Variants in ESPL1 observed in about 807,000 individuals in gnomAD.
ESPL1 encodes the protein separin.
A neutral mutation model predicts 217.2 loss-of-function variants in ESPL1; 50 were observed. The observed-to-expected ratio is 0.23, with a 90% CI of 0.18 to 0.29. The LOEUF (loss-of-function observed/expected upper bound fraction) is 0.29, where lower values mean the gene tolerates loss of function less well. Among genes scored for constraint, ESPL1 ranks in the 10% least tolerant of loss-of-function variants. The probability of loss-of-function intolerance (pLI) is 1.00; values close to 1 mark genes in which losing one functional copy is unlikely to be tolerated. For synonymous variants in ESPL1, 994 were observed against 1,081.3 expected, an observed-to-expected ratio of 0.92 and a Z score of 1.58; for missense variants, 1,834 against 2,603.0, an observed-to-expected ratio of 0.70 and a Z score of 6.43.
rs1343333998 is a variant in ESPL1 at position 53,270,286 on chromosome 12, C to T, written c.1144-92C>T. 3 of 1,036,240 alleles carry T rather than the reference C, an allele frequency of 2.9e-6. No individual in the cohort carries two copies. The South Asian group carries it at 3.8e-5, about 13-fold the overall frequency. 64.2% of individuals were successfully genotyped at this position (1,036,240 alleles called of 1,614,324 possible). ...GATGTCCTTCCTCGTGCTCCCTGGG[C>T]TCTGTCAGCTCTCCAGGACTCCGGG... On this transcript the variant is annotated intron_variant, in intron 3 of 30. Coordinates refer to ENST00000257934, the MANE Select transcript of ESPL1 (RefSeq NM_012291.5).
At chr12:53,279,689 C>A in intron 11 of ESPL1, 43 bp from the exon 12 acceptor site, 1 of 1,612,902 alleles carries the variant, frequency 6.2e-7, no homozygotes, top group Non-Finnish European at 8.5e-7. Context: ...GAAATAGAGG[C>A]TTGAGCAGGG....
chr12:53,279,981 C>T, intron 12 of ESPL1, 115 bp downstream of exon 12: 5 of 1,213,020 alleles, frequency 4.1e-6, no homozygotes, highest in Non-Finnish European at 5.6e-6. Flanking sequence ...ACCACCACAA[C>T]TGGCTGGAGA....
intron 25 of ESPL1, 31 bp downstream of exon 25, chr12:53,291,027 G>A: frequency 6.5e-7 from 1 of 1,545,108 alleles, no homozygotes; most frequent in Non-Finnish European, 8.8e-7. Context: ...AGGGGGCCAG[G>A]CCCAGTGGCT....
chr12:53,282,228 G>A lies in ESPL1; in HGVS notation c.2620-36G>A. 2 of 1,603,676 alleles carry A rather than the reference G, an allele frequency of 1.2e-6. No individual in the cohort carries two copies. Among genetic ancestry groups the A allele is most frequent in the Non-Finnish European group, 8.5e-7 (1 of 1,171,232 alleles). On this transcript the variant is annotated intron_variant, in intron 13 of 30. Coordinates refer to ENST00000257934, the MANE Select transcript of ESPL1 (RefSeq NM_012291.5). This position sits in a 1 kb window ranked among gnomAD's most constrained non-coding sequence, Gnocchi z 4.0. ...CTCTCAAGCTCTGGAGTGCCTGACT[G>A]CCTTACTGCCTCCTCTGGCTCCTTC... is the stretch of plus-strand genomic sequence containing the variant.
Position 53,275,018 on chromosome 12 carries a change from G to A in ESPL1, c.1700+8G>A. 1 of 1,519,284 alleles carries A rather than the reference G, an allele frequency of 6.6e-7. No individual in the cohort carries two copies. The highest frequency in any genetic ancestry group is 1.3e-5 in the South Asian group (1 of 76,242). 94.1% of individuals were successfully genotyped at this position (1,519,284 alleles called of 1,614,324 possible). A position where few individuals can be genotyped will look rare whatever the true frequency, so the allele number is the denominator to read the frequency against. On this transcript the variant is annotated splice_region_variant and intron_variant, in intron 7 of 30. Transcript: ENST00000257934. ...CAAGGAGCTACAGCTAAAGTGAGTTGAGGGCCAGACGCAGTGGCTCATGCT... is the reference window on the plus strand; with the variant it reads ...CAAGGAGCTACAGCTAAAGTGAGTTAAGGGCCAGACGCAGTGGCTCATGCT...
intron 3 of ESPL1, 117 bp downstream of exon 3, chr12:53,270,202 C>T (rs1206012070): frequency 9.7e-7 from 1 of 1,030,506 alleles, no homozygotes; most frequent in Non-Finnish European, 1.5e-6. Context: ...GCTCTCTGGA[C>T]AGTGCCTAGC....
At chr12:53,281,677 T>C (rs1161255863) in intron 13 of ESPL1, 51 bp downstream of exon 13, 1 of 1,569,126 alleles carries the variant, frequency 6.4e-7, no homozygotes, top group South Asian at 1.1e-5. Flanking sequence ...AGAAAGAATT[T>C]AGGATTTTCT....
chr12:53,279,161 G>A (rs1412818052), intron 11 of ESPL1, among the ~76,000 whole-genome samples: 1 of 152,218 alleles, frequency 6.6e-6, no homozygotes, highest in Non-Finnish European at 1.5e-5. Context: ...AAAGTGCTGG[G>A]GTTACAGGCA....
In ESPL1 at chr12:53,270,011, C is replaced by A. The variant is rs1174593540; in HGVS notation, c.1069C>A (p.Leu357Ile). The A allele has an allele frequency of 3.1e-6, 5 of 1,614,094 alleles. No homozygotes were observed. In the African/African-American group the frequency reaches 4.0e-5, roughly 13 times the overall value. The change falls in exon 3 of 31, where the codon CTT becomes ATT. Residue 357 changes from leucine (L) to isoleucine (I), a missense_variant. Coordinates refer to ENST00000257934, the MANE Select transcript of ESPL1 (RefSeq NM_012291.5). ...ACGAGGCACCAAGAGGCGCTATAGA[C>A]TTGATGCCATTCTGAGCCTCTTTGC... ...LERGTKRRYR[L>I]DAILSLFAFL...
intron 6 of ESPL1, 112 bp downstream of exon 6, chr12:53,272,969 G>A: frequency 3.1e-6 from 3 of 979,550 alleles, no homozygotes; most frequent in Non-Finnish European, 4.5e-6. Flanking sequence ...ATAGCAGCAT[G>A]TTGACACCAG....
intron 5 of ESPL1, among the ~76,000 whole-genome samples, chr12:53,271,153 C>A (rs1482240213): frequency 7.0e-6 from 1 of 143,080 alleles, no homozygotes; most frequent in Non-Finnish European, 1.5e-5. Flanking sequence ...TTACAAATGA[C>A]CTTTCTGTAT....
At position 53,292,480 on chromosome 12, in the gene ESPL1, C is replaced by A; in HGVS notation, c.5912+87C>A. 1.4e-6 allele frequency: 2 copies of A among 1,380,522 alleles called. No individual in the cohort carries two copies. Among genetic ancestry groups the A allele is most frequent in the Non-Finnish European group, 2.1e-6 (2 of 967,746 alleles). 85.5% of individuals were successfully genotyped at this position (1,380,522 alleles called of 1,614,324 possible). A position where few individuals can be genotyped will look rare whatever the true frequency, so the allele number is the denominator to read the frequency against. On this transcript the variant is annotated intron_variant, in intron 28 of 30. Transcript: ENST00000257934. This position sits in a 1 kb window ranked among gnomAD's most constrained non-coding sequence, Gnocchi z 4.5. Reference sequence around the variant, plus strand: ...GCCTTTTCTCCAGAAACAGCTGTTGCAGCCCACCTTCTATCTAATGATCCC... The same window carrying A: ...GCCTTTTCTCCAGAAACAGCTGTTGAAGCCCACCTTCTATCTAATGATCCC...
chr12:53,276,512 G>A, intron 7 of ESPL1, 108 bp from the exon 8 acceptor site: 1 of 1,278,082 alleles, frequency 7.8e-7, no homozygotes, highest in Non-Finnish European at 1.1e-6. Context: ...AGCCATGACT[G>A]GAAACCTACT....
chr12:53,271,276 C>T (rs1445195871), intron 5 of ESPL1, among the ~76,000 whole-genome samples: 4 of 147,836 alleles, frequency 2.7e-5, no homozygotes, highest in African/African-American at 9.9e-5. Context: ...CAGGCTCAAG[C>T]GATCCTCCCA....
chr12:53,284,743 G>A (rs1943917284), intron 17 of ESPL1, among the ~76,000 whole-genome samples: 1 of 151,604 alleles, frequency 6.6e-6, no homozygotes, highest in Non-Finnish European at 1.5e-5. Context: ...GCCGGGCTCG[G>A]TGGCTCATGC....
chr12:53,288,370 G>A, intron 19 of ESPL1, 29 bp downstream of exon 19: 1 of 1,564,220 alleles, frequency 6.4e-7, no homozygotes. Flanking sequence ...GGTGGAAGGT[G>A]CATGTTTTGG....
intron 5 of ESPL1, among the ~76,000 whole-genome samples, chr12:53,271,076 T>A (rs1340746655): frequency 7.0e-6 from 1 of 142,804 alleles, no homozygotes; most frequent in Non-Finnish European, 1.5e-5. Flanking sequence ...TTTCAACATA[T>A]TTTTTTATTT....
Position 53,283,252 on chromosome 12 carries a change from A to G in ESPL1, c.2915A>G (p.Asp972Gly). ...QKAAVETSFL[D>G]YGENLVQKWQ... ...GCAGCTGTGGAGACATCGTTTTTGG[A>G]CTATGGTGAGTCTGGGGAGGACAGC... is the stretch of plus-strand genomic sequence containing the variant. Residue 972 changes from aspartate to glycine, a missense_variant, in exon 15 of 31, where the codon GAC becomes GGC. Asp to Gly is a moderately conservative substitution (Grantham distance 94, BLOSUM62 -1). This residue lies in a region of ESPL1 where 107 missense variants were observed against 171.7 expected (regional missense o/e 0.62). Coordinates refer to ENST00000257934, the MANE Select transcript of ESPL1 (RefSeq NM_012291.5). 1 of 1,614,162 alleles carries G rather than the reference A, an allele frequency of 6.2e-7. No homozygotes were observed. The highest frequency in any genetic ancestry group is 1.1e-5 in the South Asian group (1 of 91,080).
chr12:53,269,626 G>T lies in ESPL1; in HGVS notation c.684G>T (p.Val228=), dbSNP rs1363706637. The T allele has an allele frequency of 2.5e-6, 4 of 1,614,132 alleles. No individual in the cohort carries two copies. In the South Asian group the frequency reaches 4.4e-5, roughly 18 times the overall value. Residue 228 remains valine (V), a synonymous_variant, in exon 3 of 31, where the codon GTG becomes GTT. Transcript: ENST00000257934. This position sits in a 1 kb window ranked among gnomAD's most constrained non-coding sequence, Gnocchi z 6.7. ...TAGATGACCTGCTCTCCAGGCACGTGATCAGAGCCTTGGTGGGTGAGAGAG... is the reference window on the plus strand; with the variant it reads ...TAGATGACCTGCTCTCCAGGCACGTTATCAGAGCCTTGGTGGGTGAGAGAG... ...DFLDDLLSRH[V]IRALVGERGS...
Sources: allele counts gnomAD v4.1 joint callset (sites outside exome capture counted in the v4.1 genomes callset), GRCh38; gene constraint gnomAD v4.1.1; regional missense constraint gnomAD v4.1.1; non-coding constraint Gnocchi (gnomAD v3.1); transcripts MANE v1.5; gene names NCBI Gene and HGNC (gene_info 2026-07-23, HGNC 2026-07-21).